The following CHM variants were observed in gnomAD, a reference collection of about 807,000 sequenced individuals.
CHM encodes the protein CHM Rab escort protein.
A neutral mutation model predicts 49.0 loss-of-function variants in CHM; 10 were observed. That is an observed-to-expected ratio of 0.20 (90% CI 0.13 to 0.35). CHM has a LOEUF of 0.35. CHM is among the 10% of genes least tolerant of loss of function. The probability of loss-of-function intolerance (pLI) is 1.00; values close to 1 mark genes in which losing one functional copy is unlikely to be tolerated. For synonymous variants in CHM, 184 were observed against 167.5 expected (o/e 1.10, Z -0.76); for missense variants, 455 against 478.4 (o/e 0.95, Z 0.46).
At chrX:85,897,306 CGTGTGT>C (rs533191230) in intron 11 of CHM, among the ~76,000 whole-genome samples, 1,957 of 76,468 alleles carry the variant, frequency 0.026, 21 homozygotes, top group African/African-American at 0.037. Flanking sequence ...CTTGTGTGTG[CGTGTGT>C]GTGTGTGTGT....
chrX:85,894,526 T>C (rs1250133556), intron 11 of CHM, among the ~76,000 whole-genome samples: 3 of 111,707 alleles, frequency 2.7e-5, no homozygotes, highest in Non-Finnish European at 5.6e-5. Flanking sequence ...TTACTTACTA[T>C]AGGTTTCTTA....
chrX:85,997,810 C>T (rs1181832791), intron 2 of CHM, among the ~76,000 whole-genome samples: 3 of 111,008 alleles, frequency 2.7e-5, no homozygotes, highest in Non-Finnish European at 5.7e-5. Context: ...TTTAGCCAGG[C>T]GTGGTGGCAC....
At chrX:85,972,718 CCA>C (rs1319681940) in intron 4 of CHM, among the ~76,000 whole-genome samples, 1 of 112,373 alleles carries the variant, frequency 8.9e-6, no homozygotes, top group African/African-American at 3.2e-5. Flanking sequence ...ACGCGCAGCC[CCA>C]GTTCCCGCTC....
At chrX:85,900,591 C>A (rs1346157847) in intron 11 of CHM, 55 bp downstream of exon 11, 1 of 720,257 alleles carries the variant, frequency 1.4e-6, no homozygotes, top group Non-Finnish European at 2.1e-6. Flanking sequence ...TATATATATA[C>A]CGAAACATCT....
intron 2 of CHM, among the ~76,000 whole-genome samples, chrX:86,019,401 G>A (rs911010461): frequency 2.5e-4 from 28 of 111,421 alleles, no homozygotes; most frequent in Non-Finnish European, 4.7e-4. Flanking sequence ...AATTCAAAAA[G>A]TTAGAAAAAG....
intron 8 of CHM, among the ~76,000 whole-genome samples, chrX:85,933,236 A>C (rs1310438055): frequency 9.0e-6 from 1 of 111,542 alleles, no homozygotes; most frequent in African/African-American, 3.3e-5. Flanking sequence ...AATAAAATAA[A>C]TAAATAAGAA....
intron 8 of CHM, among the ~76,000 whole-genome samples, chrX:85,913,338 AAGAAAGAAAGAAAG>A (rs1927213534): frequency 1.2e-4 from 8 of 68,925 alleles, no homozygotes; most frequent in African/African-American, 3.5e-4. Flanking sequence ...AAAAAAAAGA[AAGAAAGAAAGAAAG>A]AAAGAAAGAA....
At chrX:85,950,837 T>C (rs958798378) in intron 8 of CHM, among the ~76,000 whole-genome samples, 1 of 111,202 alleles carries the variant, frequency 9.0e-6, no homozygotes, top group Admixed American at 9.6e-5. Context: ...AGTAAAAATA[T>C]AGAATACAAA....
intron 2 of CHM, among the ~76,000 whole-genome samples, chrX:86,013,202 C>T (rs1288084246): frequency 9.0e-6 from 1 of 111,186 alleles, no homozygotes; most frequent in East Asian, 2.8e-4. Context: ...CATCCAGACC[C>T]TTCTAATTGT....
intron 8 of CHM, among the ~76,000 whole-genome samples, chrX:85,944,039 G>A (rs1028334907): frequency 2.7e-5 from 3 of 111,417 alleles, no homozygotes; most frequent in Non-Finnish European, 5.7e-5. Flanking sequence ...CAACAACATC[G>A]GGGGCAGACA....
intron 2 of CHM, among the ~76,000 whole-genome samples, chrX:86,022,115 C>CTTGTTG (rs781689084): frequency 2.4e-3 from 263 of 111,706 alleles, no homozygotes; most frequent in African/African-American, 8.3e-3. Context: ...TGTTGCACAA[C>CTTGTTG]AATGTGAACA....
At chrX:85,911,418 A>G (rs1316375521) in intron 8 of CHM, 80 bp from the exon 9 acceptor site, 2 of 410,666 alleles carry the variant, frequency 4.9e-6, no homozygotes, top group Non-Finnish European at 8.4e-6. Flanking sequence ...TAAGTATTTT[A>G]CACTTCATAA....
chrX:85,918,126 T>G (rs1927564632), intron 8 of CHM, among the ~76,000 whole-genome samples: 5 of 110,595 alleles, frequency 4.5e-5, no homozygotes, highest in Admixed American at 3.9e-4. Flanking sequence ...TTCTCCAAGG[T>G]CAACTCGAAA....
intron 1 of CHM, among the ~76,000 whole-genome samples, chrX:86,045,774 G>GA (rs1185051880): frequency 4.2e-3 from 453 of 106,925 alleles, no homozygotes; most frequent in African/African-American, 0.014. Flanking sequence ...ACCCAGACCT[G>GA]AAAAAAAAAA....
intron 13 of CHM, 97 bp downstream of exon 13, chrX:85,878,868 A>G: frequency 1.7e-6 from 1 of 601,527 alleles, no homozygotes; most frequent in Non-Finnish European, 2.7e-6. Context: ...AATACATCCC[A>G]TTTCAGTTCA....
intron 2 of CHM, among the ~76,000 whole-genome samples, chrX:85,992,847 G>C (rs73630489): frequency 8.9e-6 from 1 of 112,446 alleles, no homozygotes; most frequent in Admixed American, 9.4e-5. Context: ...CAGCCTGCCA[G>C]AAAGAAATAC....
intron 8 of CHM, among the ~76,000 whole-genome samples, chrX:85,945,585 G>A (rs754565933): frequency 9.5e-6 from 1 of 104,877 alleles, no homozygotes; most frequent in Non-Finnish European, 2.0e-5. Flanking sequence ...CCTAAAGGCT[G>A]CAGAACTGTA....
At chrX:85,914,201 G>A (rs192755254) in intron 8 of CHM, among the ~76,000 whole-genome samples, 28 of 110,901 alleles carry the variant, frequency 2.5e-4, no homozygotes, top group African/African-American at 8.9e-4. Flanking sequence ...GGTTTGGCAC[G>A]GGAAGAGTTG....
intron 8 of CHM, among the ~76,000 whole-genome samples, chrX:85,929,841 C>T (rs1928316165): frequency 9.0e-6 from 1 of 111,419 alleles, no homozygotes; most frequent in Non-Finnish European, 1.9e-5. Context: ...GTGGCTCATG[C>T]CTGTAATCCC....
Sources: gnomAD v4.1 joint callset for allele counts (sites outside exome capture counted in the v4.1 genomes callset) on GRCh38, gnomAD v4.1.1 for gene constraint, MANE v1.5 for transcripts, NCBI Gene and HGNC (gene_info 2026-07-23, HGNC 2026-07-21) for gene names.